Variants in RIC8B observed in about 807,000 individuals in gnomAD.
RIC8B encodes the protein RIC8 guanine nucleotide exchange factor B.
A neutral mutation model predicts 57.5 loss-of-function variants in RIC8B; 16 were observed. The observed-to-expected ratio is 0.28, with a 90% CI of 0.19 to 0.42. The LOEUF is 0.42. Among genes scored for constraint, RIC8B ranks in the 10% least tolerant of loss-of-function variants. RIC8B has a pLI of 1.00. For synonymous variants in RIC8B, 216 were observed against 250.8 expected (o/e 0.86, Z 1.31); for missense variants, 481 against 677.0 (o/e 0.71, Z 3.21).
At chr12:106,783,848 A>G (rs1276006665) in intron 1 of RIC8B, 149 bp from the exon 2 acceptor site, 3 of 649,070 alleles carry the variant, frequency 4.6e-6, no homozygotes, top group South Asian at 2.0e-5. Context: ...ATTTGTTTAC[A>G]TGCCTGTCTC....
Position 106,856,366 on chromosome 12 carries a change from C to T in RIC8B, c.1307-3902C>T, listed in dbSNP as rs112078664. Among the ~76,000 whole-genome samples, 888 of 152,278 alleles carry T rather than the reference C, an allele frequency of 5.8e-3. 10 individuals carry two copies. The highest frequency in any genetic ancestry group is 0.02 in the African/African-American group (844 of 41,562). On this transcript the variant is annotated intron_variant, in intron 7 of 9. Coordinates refer to ENST00000392837, the MANE Select transcript of RIC8B (RefSeq NM_001330145.2). ...AAACCAAATTTTACCTCCACAGAGTCTCTGTGTAGTGTATTTTAAATCTGT... is the reference window on the plus strand; with the variant it reads ...AAACCAAATTTTACCTCCACAGAGTTTCTGTGTAGTGTATTTTAAATCTGT...
chr12:106,843,828 A>G, intron 5 of RIC8B, 24 bp from the exon 6 acceptor site: 1 of 1,538,466 alleles, frequency 6.5e-7, no homozygotes, highest in South Asian at 1.2e-5. Context: ...GTATTTCAAA[A>G]ACATATGGTT....
At chr12:106,861,345 C>A (rs897170891) in intron 8 of RIC8B, among the ~76,000 whole-genome samples, 1 of 151,970 alleles carries the variant, frequency 6.6e-6, no homozygotes, top group Non-Finnish European at 1.5e-5. Flanking sequence ...TTTTAAAAAA[C>A]ATACATTGTG....
Position 106,842,658 on chromosome 12 carries a change from T to C in RIC8B, c.906T>C (p.His302=), listed in dbSNP as rs1465000840. Residue 302 remains histidine, a synonymous_variant, in exon 5 of 10, where the codon CAT becomes CAC. Transcript: ENST00000392837. Reference sequence around the variant, plus strand: ...ATGTTCTCATTTGTCCGTTAACCCATGAAGAAACAGCCCAAGAGGCAACGA... The same window carrying C: ...ATGTTCTCATTTGTCCGTTAACCCACGAAGAAACAGCCCAAGAGGCAACGA... The part of the protein sequence containing the change: ...CLDVLICPLT[H]EETAQEATTL... 6.2e-7 allele frequency: 1 copy of C among 1,613,994 alleles called. No homozygotes were observed. The highest frequency in any genetic ancestry group is 8.5e-7 in the Non-Finnish European group (1 of 1,179,926).
intron 2 of RIC8B, among the ~76,000 whole-genome samples, chr12:106,786,699 T>G (rs528779156): frequency 2.6e-5 from 4 of 152,260 alleles, no homozygotes; most frequent in East Asian, 3.9e-4. Flanking sequence ...GTGTCCAGCA[T>G]TTAAGGAGTG....
intron 8 of RIC8B, among the ~76,000 whole-genome samples, chr12:106,866,642 T>C (rs1238273937): frequency 6.6e-6 from 1 of 152,180 alleles, no homozygotes; most frequent in Non-Finnish European, 1.5e-5. Context: ...GCTTGCTCCA[T>C]GTCCTATTGG....
intron 2 of RIC8B, among the ~76,000 whole-genome samples, chr12:106,805,267 G>A (rs1163616821): frequency 6.6e-6 from 1 of 152,160 alleles, no homozygotes; most frequent in Non-Finnish European, 1.5e-5. Context: ...AGAAATCTAT[G>A]AGGTTCCTTG....
rs1361550308 is a variant in RIC8B, at chr12:106,796,256, G to A, written c.132+12212G>A. Among the ~76,000 whole-genome samples the A allele has an allele frequency of 2.0e-5, 3 of 152,124 alleles. No homozygotes were observed. The East Asian group carries it at 5.8e-4, about 29-fold the overall frequency. On this transcript the variant is annotated intron_variant, in intron 2 of 9. Transcript: ENST00000392837. ...TTCCTTATTTTAAAATTTACTACAG[G>A]GCCAAGAGCGGTGGCTCACACCTAT...
intron 7 of RIC8B, among the ~76,000 whole-genome samples, chr12:106,855,274 TCTCC>T (rs1341602930): frequency 2.0e-5 from 3 of 152,278 alleles, no homozygotes; most frequent in Non-Finnish European, 1.5e-5. Flanking sequence ...GGTTCACTAG[TCTCC>T]CTTTCCTGTT....
At chr12:106,870,482 G>A (rs1593372353) in intron 8 of RIC8B, among the ~76,000 whole-genome samples, 4 of 151,068 alleles carry the variant, frequency 2.6e-5, no homozygotes, top group Admixed American at 6.6e-5. Context: ...CTGAAATCAT[G>A]TGTCCCCTTA....
intron 4 of RIC8B, among the ~76,000 whole-genome samples, chr12:106,831,608 G>A (rs886761095): frequency 5.3e-5 from 8 of 152,194 alleles, no homozygotes; most frequent in Non-Finnish European, 1.0e-4. Context: ...ATACATCTTA[G>A]CATGGCCATT....
chr12:106,837,081 C>T (rs7304721), intron 4 of RIC8B, among the ~76,000 whole-genome samples: 18,538 of 152,230 alleles, frequency 0.12, 1,275 homozygotes, highest in Middle Eastern at 0.16. Context: ...ACGTATAACC[C>T]GGCCGGGCGC....
chr12:106,807,112 C>G (rs774732720), intron 2 of RIC8B, among the ~76,000 whole-genome samples: 7 of 152,214 alleles, frequency 4.6e-5, no homozygotes, highest in Non-Finnish European at 5.9e-5. Flanking sequence ...CAAATCCATT[C>G]GCTTGTCTCC....
intron 8 of RIC8B, among the ~76,000 whole-genome samples, chr12:106,865,548 CA>C (rs1380076410): frequency 6.6e-6 from 1 of 152,086 alleles, no homozygotes; most frequent in Non-Finnish European, 1.5e-5. Flanking sequence ...GGTAAATATT[CA>C]CATACATCTG....
At chr12:106,857,475 G>C (rs1241824195) in intron 7 of RIC8B, among the ~76,000 whole-genome samples, 3 of 152,152 alleles carry the variant, frequency 2.0e-5, no homozygotes, top group Non-Finnish European at 4.4e-5. Context: ...TGCTGCTGTG[G>C]TTGGTTTCCT....
intron 9 of RIC8B, among the ~76,000 whole-genome samples, chr12:106,875,923 A>G (rs1044402895): frequency 4.6e-5 from 7 of 152,166 alleles, no homozygotes; most frequent in Admixed American, 2.6e-4. Flanking sequence ...GGTAGTTTAT[A>G]ACTGAAAAAT....
chr12:106,824,412 CATG>C (rs774621974), intron 3 of RIC8B, among the ~76,000 whole-genome samples: 1 of 152,136 alleles, frequency 6.6e-6, no homozygotes, highest in Non-Finnish European at 1.5e-5. Flanking sequence ...CAGCTCTATA[CATG>C]ATGATGTTAT....
chr12:106,881,978 A>G (rs971128708), intron 9 of RIC8B, among the ~76,000 whole-genome samples: 1 of 152,222 alleles, frequency 6.6e-6, no homozygotes, highest in Non-Finnish European at 1.5e-5. Context: ...TAAAGAAAGC[A>G]GGGCTCTCTG....
chr12:106,843,783 T>A, intron 5 of RIC8B, 69 bp from the exon 6 acceptor site: 3 of 1,005,618 alleles, frequency 3.0e-6, no homozygotes, highest in East Asian at 2.7e-5. Context: ...CTCAGTTACA[T>A]GAAGGAAAGT....
Sources: gnomAD v4.1 joint callset for allele counts (sites outside exome capture counted in the v4.1 genomes callset) on GRCh38, gnomAD v4.1.1 for gene constraint, MANE v1.5 for transcripts, NCBI Gene and HGNC (gene_info 2026-07-23, HGNC 2026-07-21) for gene names.